Variants in LARGE1 observed in about 807,000 individuals in gnomAD.
LARGE1 encodes xylosyl- and glucuronyltransferase LARGE1.
Under a neutral mutation model 87.6 loss-of-function variants are expected in LARGE1, and 43 were observed. The ratio of observed to expected loss-of-function variants is 0.49; its 90% CI spans 0.38 to 0.63. The LOEUF (loss-of-function observed/expected upper bound fraction) is 0.63, where lower values mean the gene tolerates loss of function less well. Among genes scored for constraint, LARGE1 ranks in the 30% least tolerant of loss-of-function variants. The probability of loss-of-function intolerance (pLI) is 0.00; values close to 1 mark genes in which losing one functional copy is unlikely to be tolerated. For synonymous variants in LARGE1, 434 were observed against 394.6 expected (o/e 1.10, Z -1.18); for missense variants, 802 against 1,000.2 (o/e 0.80, Z 2.67).
At chr22:33,829,531 A>G (rs139293929) in intron 1 of LARGE1, among the ~76,000 whole-genome samples, 2 of 152,276 alleles carry the variant, frequency 1.3e-5, no homozygotes, top group East Asian at 3.9e-4. Context: ...CCTGGCACAC[A>G]GTAGGTGCTC....
chr22:33,613,563 G>T (rs1448243628), intron 4 of LARGE1, among the ~76,000 whole-genome samples: 4 of 152,122 alleles, frequency 2.6e-5, no homozygotes, highest in Non-Finnish European at 5.9e-5. Flanking sequence ...CGCGATCTTG[G>T]CTCACCACAA....
chr22:33,205,967 T>A (rs1049474010), intron 11 of LARGE1, among the ~76,000 whole-genome samples: 8 of 147,830 alleles, frequency 5.4e-5, no homozygotes, highest in African/African-American at 2.0e-4. Context: ...TTTTTTTTTT[T>A]TTTGTGAGAG....
chr22:33,081,894 T>G, the LARGE1 span, among the ~76,000 whole-genome samples: 2 of 152,328 alleles, frequency 1.3e-5, no homozygotes, highest in Non-Finnish European at 2.9e-5. Flanking sequence ...TCCCATTTTA[T>G]AAATGATAAG....
the LARGE1 span, among the ~76,000 whole-genome samples, chr22:33,069,795 A>AACT: frequency 6.6e-6 from 1 of 151,884 alleles, no homozygotes. Flanking sequence ...TGCTTCATGC[A>AACT]ACTATGACTG....
downstream of LARGE1, among the ~76,000 whole-genome samples, chr22:33,267,671 C>G (rs889716526): frequency 3.3e-5 from 5 of 151,022 alleles, 1 homozygote; most frequent in Admixed American, 1.3e-4. Flanking sequence ...CTAAGTGGAG[C>G]TTTTTACCTT....
intron 11 of LARGE1, among the ~76,000 whole-genome samples, chr22:33,175,487 C>T (rs964079504): frequency 1.3e-5 from 2 of 152,102 alleles, no homozygotes; most frequent in African/African-American, 4.8e-5. Context: ...GTGCAAAAAT[C>T]ACAAGCATTC....
the LARGE1 span, among the ~76,000 whole-genome samples, chr22:33,078,893 C>A: frequency 6.6e-6 from 1 of 152,182 alleles, no homozygotes; most frequent in Non-Finnish European, 1.5e-5. Flanking sequence ...GTCTCTTGAT[C>A]TAAGTTTTAA....
chr22:33,474,261 T>G, intron 6 of LARGE1, among the ~76,000 whole-genome samples: 1 of 152,188 alleles, frequency 6.6e-6, no homozygotes, highest in African/African-American at 2.4e-5. Context: ...CCTCCCAGGT[T>G]CAAGTGATTC....
intron 1 of LARGE1, among the ~76,000 whole-genome samples, chr22:33,870,915 A>G (rs1266538308): frequency 6.6e-6 from 1 of 152,162 alleles, no homozygotes; most frequent in Non-Finnish European, 1.5e-5. Context: ...AGATTAAATC[A>G]TTTGCATAAG....
At chr22:33,790,212 G>T (rs945008113) in intron 1 of LARGE1, among the ~76,000 whole-genome samples, 1 of 152,148 alleles carries the variant, frequency 6.6e-6, no homozygotes, top group Non-Finnish European at 1.5e-5. Flanking sequence ...TCTCTTTCCT[G>T]CCACCATGTA....
At chr22:33,303,219 C>G (rs577885813) in intron 12 of LARGE1, among the ~76,000 whole-genome samples, 1 of 152,320 alleles carries the variant, frequency 6.6e-6, no homozygotes, top group East Asian at 1.9e-4. Flanking sequence ...GCTGACACCC[C>G]GTCCCATGAT....
the LARGE1 span, among the ~76,000 whole-genome samples, chr22:33,103,874 C>T: frequency 1.6e-3 from 238 of 152,254 alleles, 1 homozygote; most frequent in Non-Finnish European, 2.3e-3. Flanking sequence ...ATATGTCTCA[C>T]GAGATCTGAT....
intron 1 of LARGE1, among the ~76,000 whole-genome samples, chr22:33,840,879 T>C (rs1179936290): frequency 3.3e-5 from 5 of 152,168 alleles, no homozygotes; most frequent in African/African-American, 1.2e-4. Context: ...CGCCTCAGCC[T>C]CCCAAAGTGC....
At chr22:33,200,419 G>A (rs1924319614) in intron 11 of LARGE1, among the ~76,000 whole-genome samples, 2 of 152,252 alleles carry the variant, frequency 1.3e-5, no homozygotes, top group South Asian at 4.1e-4. Context: ...AGCCACTTTG[G>A]AAACTATTTT....
At chr22:33,388,579 T>A (rs1406976435) in intron 7 of LARGE1, among the ~76,000 whole-genome samples, 1 of 152,132 alleles carries the variant, frequency 6.6e-6, no homozygotes, top group Non-Finnish European at 1.5e-5. Context: ...ATTTTTTTAT[T>A]TTTTTAGACA....
In LARGE1 at chr22:33,173,247, T is replaced by C. The variant is rs547367966; in HGVS notation, c.1731-6415A>G. On this transcript the variant is annotated intron_variant, in intron 11 of 11. Transcript: ENST00000608642. ...AGAATTTTCAACCCAGAATTTCATA[T>C]AGAACGAAACTAAGCTTCATAAGCA... Among the ~76,000 whole-genome samples the C allele has an allele frequency of 3.9e-5, 6 of 152,218 alleles. No homozygotes were observed. The South Asian group carries it at 1.2e-3, about 32-fold the overall frequency.
At chr22:33,461,118 T>C (rs4820104) in intron 6 of LARGE1, among the ~76,000 whole-genome samples, 24,464 of 152,174 alleles carry the variant, frequency 0.16, 2,292 homozygotes, top group East Asian at 0.28. Context: ...AATCATCATG[T>C]ACAGAACATA....
chr22:33,536,383 G>C (rs989020955), intron 6 of LARGE1, among the ~76,000 whole-genome samples: 3 of 152,104 alleles, frequency 2.0e-5, no homozygotes, highest in Admixed American at 6.5e-5. Flanking sequence ...TTCATGATTT[G>C]GGATCTCCAA....
chr22:33,176,695 T>C (rs1444984185), intron 11 of LARGE1, among the ~76,000 whole-genome samples: 1 of 152,150 alleles, frequency 6.6e-6, no homozygotes, highest in East Asian at 1.9e-4. Flanking sequence ...AGGAATACTT[T>C]TACACTGTTG....
Sources: allele counts gnomAD v4.1 joint callset (sites outside exome capture counted in the v4.1 genomes callset), GRCh38; gene constraint gnomAD v4.1.1; transcripts MANE v1.5; gene names NCBI Gene and HGNC (gene_info 2026-07-23, HGNC 2026-07-21).